The following SKI variants were observed in gnomAD, a reference collection of about 807,000 sequenced individuals.
The protein encoded by SKI is SKI proto-oncogene.
A neutral mutation model predicts 59.3 loss-of-function variants in SKI; 23 were observed. That is an observed-to-expected ratio of 0.39 (90% CI 0.28 to 0.55). SKI has a LOEUF of 0.55. SKI is among the 20% of genes least tolerant of loss of function. The pLI, the probability that SKI is intolerant of heterozygous loss-of-function variation, is 0.67. For missense variants in SKI, 1,017 were observed against 1,038.9 expected (o/e 0.98, Z 0.29); for synonymous variants, 673 against 488.6 (o/e 1.38, Z -4.98).
At chr1:2,250,324 C>G (rs1639116535) in intron 1 of SKI, among the ~76,000 whole-genome samples, 1 of 152,196 alleles carries the variant, frequency 6.6e-6, no homozygotes, top group Non-Finnish European at 1.5e-5. Context: ...TCTGGCCGTC[C>G]CAGAACCCGC....
rs1410289192 is a variant in SKI, at chr1:2,304,415, G to A, written c.1597G>A (p.Asp533Asn). The A allele has an allele frequency of 2.6e-6, 4 of 1,554,496 alleles. No homozygotes were observed. Among genetic ancestry groups the A allele is most frequent in the South Asian group, 1.2e-5 (1 of 84,386 alleles). The change falls in exon 5 of 7, where the codon GAC becomes AAC. Residue 533 changes from aspartate to asparagine, a missense_variant. Asp to Asn is a conservative substitution (Grantham distance 23, BLOSUM62 1). Transcript: ENST00000378536. The part of the protein sequence containing the change: ...SAVPDAAAPA[D>N]APSGLEAELE... ...CGTCCCTGATGCTGCGGCCCCTGCCGACGCCCCCAGTGGGCTGGAGGCGGA... is the reference window on the plus strand; with the variant it reads ...CGTCCCTGATGCTGCGGCCCCTGCCAACGCCCCCAGTGGGCTGGAGGCGGA...
rs1003998999 is a variant in SKI at position 2,228,748 on chromosome 1, G to C, written c.-19G>C. 7.0e-6 allele frequency: 8 copies of C among 1,136,262 alleles called. No homozygotes were observed. Among genetic ancestry groups the C allele is most frequent in the Admixed American group, 4.4e-5 (1 of 22,834 alleles). The allele number at this position is 1,136,262 out of a possible 1,614,324, so 70.4% of individuals were successfully genotyped here. ...CGGGCGCGCGGGAGCGGGAGCGGCCGGGGGAGCCGGAGCGCACCATGGAGG... is the reference window on the plus strand; with the variant it reads ...CGGGCGCGCGGGAGCGGGAGCGGCCCGGGGAGCCGGAGCGCACCATGGAGG... On this transcript the variant is annotated 5_prime_UTR_variant, in exon 1 of 7. Coordinates refer to ENST00000378536, the MANE Select transcript of SKI (RefSeq NM_003036.4).
chr1:2,294,913 A>G (rs1640249695), intron 1 of SKI, among the ~76,000 whole-genome samples: 1 of 152,208 alleles, frequency 6.6e-6, no homozygotes, highest in African/African-American at 2.4e-5. Context: ...ACGCCCACCC[A>G]GTGGGGCCCC....
chr1:2,241,466 C>T (rs1638871095), intron 1 of SKI, among the ~76,000 whole-genome samples: 1 of 152,164 alleles, frequency 6.6e-6, no homozygotes, highest in Admixed American at 6.5e-5. Flanking sequence ...GATCTCCGCT[C>T]ACTGCAAGCT....
chr1:2,228,914 G>T lies in SKI; in HGVS notation c.148G>T (p.Glu50Ter). 7.1e-7 allele frequency: 1 copy of T among 1,406,886 alleles called. No individual in the cohort carries two copies. Among genetic ancestry groups the T allele is most frequent in the Non-Finnish European group, 9.3e-7 (1 of 1,074,712 alleles). 87.2% of individuals were successfully genotyped at this position (1,406,886 alleles called of 1,614,324 possible). Residue 50 changes from glutamate to a stop codon, truncating the protein, a stop_gained, in exon 1 of 7, where the codon GAG becomes TAG. Coordinates refer to ENST00000378536, the MANE Select transcript of SKI (RefSeq NM_003036.4). LOFTEE classifies it high-confidence loss of function. ...CTGGGCGCAGGAGGCCTACAAGAAG[G>T]AGAGCGCCAAGGAGGCGGGCGCGGC... ...ARWAQEAYKKESAKEAGAAAV... is the reference protein window; with the variant it reads ...ARWAQEAYKK
At chr1:2,261,059 T>G (rs1639378110) in intron 1 of SKI, among the ~76,000 whole-genome samples, 1 of 152,252 alleles carries the variant, frequency 6.6e-6, no homozygotes, top group African/African-American at 2.4e-5. Context: ...TGGAGTTTGT[T>G]GTAAAGATTA....
chr1:2,297,273 A>C (rs1452116539), intron 1 of SKI, among the ~76,000 whole-genome samples: 2 of 152,126 alleles, frequency 1.3e-5, no homozygotes, highest in African/African-American at 4.8e-5. Flanking sequence ...CGCCGGGCCC[A>C]CGGCTGAAGT....
chr1:2,247,804 C>T (rs769315819), intron 1 of SKI, among the ~76,000 whole-genome samples: 6 of 152,362 alleles, frequency 3.9e-5, no homozygotes, highest in Middle Eastern at 3.4e-3. Context: ...TGCCCCAGCC[C>T]GAGTCCAGTC....
At chr1:2,254,034 C>T (rs536414103) in intron 1 of SKI, among the ~76,000 whole-genome samples, 3 of 152,354 alleles carry the variant, frequency 2.0e-5, no homozygotes, top group South Asian at 4.1e-4. Flanking sequence ...CGTCAGGCCA[C>T]GGATGCTTGT....
chr1:2,295,194 TGCCAGTGTGGCAGCCCTGC>T (rs1640255811), intron 1 of SKI, among the ~76,000 whole-genome samples: 1 of 152,186 alleles, frequency 6.6e-6, no homozygotes, highest in Non-Finnish European at 1.5e-5. Flanking sequence ...CACGCAGGTG[TGCCAGTGTGGCAGCCCTGC>T]GCCAGGAGCT....
intron 1 of SKI, among the ~76,000 whole-genome samples, chr1:2,240,271 C>T (rs1638840978): frequency 6.6e-6 from 1 of 152,316 alleles, no homozygotes; most frequent in African/African-American, 2.4e-5. Context: ...CCTGGAGAAG[C>T]GACACCGGTG....
At chr1:2,299,123 G>A (rs968596624) in intron 1 of SKI, among the ~76,000 whole-genome samples, 7 of 152,256 alleles carry the variant, frequency 4.6e-5, no homozygotes, top group African/African-American at 1.7e-4. Context: ...TCAAGGAAGC[G>A]ACCGTCAGCG....
At chr1:2,305,975 C>A in intron 5 of SKI, 45 bp from the exon 6 acceptor site, 9 of 1,424,704 alleles carry the variant, frequency 6.3e-6, no homozygotes, top group Non-Finnish European at 8.7e-6. Flanking sequence ...GAGGGGTGTG[C>A]TGGGACCGGC....
rs1188688992 is a variant in SKI, at chr1:2,228,794, T to G, written c.28T>G (p.Cys10Gly). 8 of 1,315,940 alleles carry G rather than the reference T, an allele frequency of 6.1e-6. No individual in the cohort carries two copies. The highest frequency in any genetic ancestry group is 6.9e-6 in the Non-Finnish European group (7 of 1,019,854). The allele number at this position is 1,315,940 out of a possible 1,614,324, so 81.5% of individuals were successfully genotyped here. A position where few individuals can be genotyped will look rare whatever the true frequency, so the allele number is the denominator to read the frequency against. Residue 10 changes from cysteine to glycine, a missense_variant, in exon 1 of 7, where the codon TGT becomes GGT. Transcript: ENST00000378536. ...GGAGGCGGCGGCAGGCGGCCGCGGC[T>G]GTTTCCAGCCGCACCCGGGGCTGCA... MEAAAGGRG[C>G]FQPHPGLQKT...
In SKI at chr1:2,306,649, G is replaced by C; in HGVS notation, c.2071G>C (p.Glu691Gln). 1 of 1,545,114 alleles carries C rather than the reference G, an allele frequency of 6.5e-7. No homozygotes were observed. The highest frequency in any genetic ancestry group is 1.2e-5 in the South Asian group (1 of 83,780). ...GCAGCTGCGGGCCGACCTGCTGCGG[G>C]AGCGCGAGGCCCGGGAGCACCTGGA... Reference protein sequence around the residue: ...REQLRADLLREREAREHLEKV... With the variant: ...REQLRADLLRQREAREHLEKV... Residue 691 changes from glutamate to glutamine, a missense_variant, in exon 7 of 7, where the codon GAG becomes CAG. By Grantham distance (29) the Glu-to-Gln change is conservative. Transcript: ENST00000378536.
intron 1 of SKI, among the ~76,000 whole-genome samples, chr1:2,274,592 G>A (rs762547396): frequency 3.3e-4 from 50 of 152,242 alleles, no homozygotes; most frequent in African/African-American, 8.7e-4. Context: ...AAGTCCCAGC[G>A]GCACCTGGCC....
At chr1:2,304,152 G>A (rs1640504465) in intron 4 of SKI, 50 bp downstream of exon 4, 5 of 1,605,272 alleles carry the variant, frequency 3.1e-6, no homozygotes, top group African/African-American at 2.7e-5. Flanking sequence ...TGTGGGGGTG[G>A]CACTGGCTGA....
intron 1 of SKI, among the ~76,000 whole-genome samples, chr1:2,230,527 C>T (rs928800624): frequency 2.0e-5 from 3 of 152,204 alleles, no homozygotes; most frequent in African/African-American, 7.2e-5. Context: ...TGGACTCACC[C>T]ATTTCCTTCT....
At chr1:2,282,494 CAGAG>C (rs1184078127) in intron 1 of SKI, among the ~76,000 whole-genome samples, 1 of 130,606 alleles carries the variant, frequency 7.7e-6, no homozygotes, top group Non-Finnish European at 1.8e-5. Context: ...TGGAGATCTT[CAGAG>C]AGAGGACGCC....
Sources: allele counts gnomAD v4.1 joint callset (sites outside exome capture counted in the v4.1 genomes callset), GRCh38; gene constraint gnomAD v4.1.1; transcripts MANE v1.5; gene names NCBI Gene and HGNC (gene_info 2026-07-23, HGNC 2026-07-21).